The following ZCCHC2 variants were observed in gnomAD, a reference collection of about 807,000 sequenced individuals.
ZCCHC2 encodes zinc finger CCHC-type containing 2, also known as zinc finger CCHC domain-containing protein 2.
A neutral mutation model predicts 103.6 loss-of-function variants in ZCCHC2; 39 were observed. That is an observed-to-expected ratio of 0.38 (90% CI 0.29 to 0.49). The LOEUF is 0.49. Among genes scored for constraint, ZCCHC2 ranks in the 20% least tolerant of loss-of-function variants. The pLI is 0.96. For missense variants in ZCCHC2, 1,483 were observed against 1,491.0 expected (o/e 0.99, Z 0.09); for synonymous variants, 687 against 608.9 (o/e 1.13, Z -1.89).
rs1418491412 is a variant in ZCCHC2 at position 62,524,178 on chromosome 18, G to T, written c.754G>T (p.Gly252Cys). The T allele has an allele frequency of 6.5e-7, 1 of 1,547,752 alleles. No individual in the cohort carries two copies. Among genetic ancestry groups the T allele is most frequent in the Non-Finnish European group, 8.7e-7 (1 of 1,146,154 alleles). ...IVEPRVGGGL[G>C]SRAQEELLLL... ...GGAGCCCCGGGTCGGCGGCGGGCTT[G>T]GCTCCAGGGCCCAGGAGGAACTGCT... Residue 252 changes from glycine to cysteine, a missense_variant, in exon 1 of 14, where the codon GGC (glycine) becomes TGC (cysteine). Physicochemically the swap from Gly to Cys is radical, Grantham distance 159. Coordinates refer to ENST00000269499, the MANE Select transcript of ZCCHC2 (RefSeq NM_017742.6).
intron 13 of ZCCHC2, 130 bp from the exon 14 acceptor site, chr18:62,576,382 C>T: frequency 3.0e-6 from 2 of 669,518 alleles, no homozygotes; most frequent in South Asian, 1.8e-5. Flanking sequence ...AGCGGATTGG[C>T]CATTTGGAGT....
Position 62,550,458 on chromosome 18 carries a change from A to G in ZCCHC2, c.1311A>G (p.Leu437=), listed in dbSNP as rs768778144. The change falls in exon 5 of 14, where the codon CTA becomes CTG. Residue 437 remains leucine (L), a splice_region_variant and synonymous_variant. Transcript: ENST00000269499. ...GACATCCTGACCTAGAGCCCATCCT[A>G]AGGTAATGATTTACCTGACGCCTAT... ...ERRHPDLEPI[L]RQLFSSSSQA... 1.4e-5 allele frequency: 22 copies of G among 1,611,442 alleles called. No homozygotes were observed. In the East Asian group the frequency reaches 4.0e-4, roughly 29 times the overall value.
chr18:62,556,765 G>C (rs1344716373), intron 6 of ZCCHC2, among the ~76,000 whole-genome samples: 2 of 151,850 alleles, frequency 1.3e-5, no homozygotes, highest in East Asian at 3.8e-4. Context: ...CTTCCTTTAT[G>C]TCCCTTCGTC....
At chr18:62,543,250 G>T (rs1021414275) in intron 3 of ZCCHC2, among the ~76,000 whole-genome samples, 1 of 152,010 alleles carries the variant, frequency 6.6e-6, no homozygotes, top group Non-Finnish European at 1.5e-5. Context: ...CCAAATTTTG[G>T]CTGTCCCTCT....
intron 3 of ZCCHC2, among the ~76,000 whole-genome samples, chr18:62,543,777 ATTCAC>A (rs1293281074): frequency 1.3e-5 from 2 of 152,226 alleles, no homozygotes; most frequent in Admixed American, 1.3e-4. Context: ...ATTCTTATAT[ATTCAC>A]TTGGCTTTGA....
At chr18:62,568,453 C>CA (rs922799864) in intron 11 of ZCCHC2, among the ~76,000 whole-genome samples, 1 of 151,686 alleles carries the variant, frequency 6.6e-6, no homozygotes, top group African/African-American at 2.4e-5. Flanking sequence ...TCTGAATTAT[C>CA]AAAAAAAAGT....
Position 62,575,540 on chromosome 18 carries a change from C to T in ZCCHC2, c.3459C>T (p.Ala1153=). Residue 1153 remains alanine, a synonymous_variant, in exon 13 of 14, where the codon GCC becomes GCT. Transcript: ENST00000269499. ...AQDCKQSSME[A]NQQGTYRLRY... Reference sequence around the variant, plus strand: ...ACTGTAAGCAGTCGTCCATGGAGGCCAATCAACAAGGTAATCACAATAACT... The same window carrying T: ...ACTGTAAGCAGTCGTCCATGGAGGCTAATCAACAAGGTAATCACAATAACT... 6.2e-7 allele frequency: 1 copy of T among 1,613,014 alleles called. No homozygotes were observed. Among genetic ancestry groups the T allele is most frequent in the Non-Finnish European group, 8.5e-7 (1 of 1,179,186 alleles).
At position 62,542,582 on chromosome 18, in the gene ZCCHC2, AT is replaced by A; in HGVS notation, c.1128+12del. 6.4e-7 allele frequency: 1 copy of A among 1,556,434 alleles called. No individual in the cohort carries two copies. The highest frequency in any genetic ancestry group is 8.7e-7 in the Non-Finnish European group (1 of 1,148,860). On this transcript the variant is annotated intron_variant, in intron 3 of 13. Transcript: ENST00000269499. The stretch of plus-strand genomic sequence containing the variant: ...TGGGAGTACACTTTCAAAGTAAGCC[AT>A]TTTCCCCACAAAAGATACCTCACGT...
Position 62,574,174 on chromosome 18 carries a change from A to G in ZCCHC2, c.2093A>G (p.Asn698Ser). The G allele has an allele frequency of 1.2e-6, 2 of 1,614,070 alleles. No homozygotes were observed. Among genetic ancestry groups the G allele is most frequent in the Non-Finnish European group, 8.5e-7 (1 of 1,179,904 alleles). The change falls in exon 13 of 14, where the codon AAT becomes AGT. Residue 698 changes from asparagine to serine, a missense_variant. Coordinates refer to ENST00000269499, the MANE Select transcript of ZCCHC2 (RefSeq NM_017742.6). ...CCTGTTCAAATTGCTTCACTAGGAA[A>G]TGAGAATGGAAACCTTTTAGAAGAT... ...KPPVQIASLGNENGNLLEDPL... is the reference protein window; with the variant it reads ...KPPVQIASLGSENGNLLEDPL...
In ZCCHC2 at chr18:62,563,988, G is replaced by A. The variant is rs376085249; in HGVS notation, c.1687-583G>A. On this transcript the variant is annotated intron_variant, in intron 9 of 13. Transcript: ENST00000269499. ...GGAGGTCCCTGTGTATATGTTACAA[G>A]TATGGAATGAAACTTCTCTCTAGAA... Among the ~76,000 whole-genome samples the A allele has an allele frequency of 6.6e-5, 10 of 152,300 alleles. No homozygotes were observed. In the South Asian group the frequency reaches 1.0e-3, roughly 16 times the overall value.
At chr18:62,554,494 A>G (rs1915798452) in intron 5 of ZCCHC2, among the ~76,000 whole-genome samples, 1 of 152,202 alleles carries the variant, frequency 6.6e-6, no homozygotes, top group Admixed American at 6.5e-5. Flanking sequence ...TAATATCGGT[A>G]TAATTGCCAT....
intron 2 of ZCCHC2, among the ~76,000 whole-genome samples, chr18:62,541,690 AGT>A (rs1032053222): frequency 6.6e-6 from 1 of 152,180 alleles, no homozygotes. Context: ...CCTGAACAGC[AGT>A]GTCTTTAAGT....
chr18:62,564,671 T>A, intron 10 of ZCCHC2, 36 bp downstream of exon 10: 1 of 1,418,384 alleles, frequency 7.1e-7, no homozygotes, highest in African/African-American at 1.4e-5. Flanking sequence ...CATATAGCCT[T>A]TGATAATAGG....
At position 62,542,625 on chromosome 18, in the gene ZCCHC2, T is replaced by C. The variant is rs1261672759; in HGVS notation, c.1128+51T>C. 2.0e-6 allele frequency: 3 copies of C among 1,479,990 alleles called. No homozygotes were observed. The African/African-American group carries it at 4.2e-5, about 21-fold the overall frequency. 91.7% of individuals were successfully genotyped at this position (1,479,990 alleles called of 1,614,324 possible). ...ACCTCACGTGCTGTGCTCAATGATCTTTGGGAAAACTTGTGGCAGGTTTGC... is the reference window on the plus strand; with the variant it reads ...ACCTCACGTGCTGTGCTCAATGATCCTTGGGAAAACTTGTGGCAGGTTTGC... On this transcript the variant is annotated intron_variant, in intron 3 of 13. Coordinates refer to ENST00000269499, the MANE Select transcript of ZCCHC2 (RefSeq NM_017742.6).
chr18:62,531,888 G>A (rs1237220348), intron 1 of ZCCHC2, among the ~76,000 whole-genome samples: 3 of 152,194 alleles, frequency 2.0e-5, no homozygotes, highest in South Asian at 2.1e-4. Context: ...GAAGGCTGAG[G>A]TGGGAGGATC....
At chr18:62,539,282 CT>C (rs1915069426) in intron 1 of ZCCHC2, among the ~76,000 whole-genome samples, 2 of 152,256 alleles carry the variant, frequency 1.3e-5, no homozygotes, top group Admixed American at 1.3e-4. Flanking sequence ...AATAAAGCAT[CT>C]TTTTAGACTG....
Position 62,524,294 on chromosome 18 carries a change from G to A in ZCCHC2, c.870G>A (p.Ala290=). Residue 290 remains alanine (A), a synonymous_variant, in exon 1 of 14, where the codon GCG becomes GCA. Transcript: ENST00000269499. ...AACACTTGGAGAGGCTCCGCGCCGC[G>A]CTCCGCGGGGGCCCCGAGGACGCGG... is the stretch of plus-strand genomic sequence containing the variant. ...LREHLERLRA[A]LRGGPEDAEV... 5 of 1,548,652 alleles carry A rather than the reference G, an allele frequency of 3.2e-6. No homozygotes were observed. The highest frequency in any genetic ancestry group is 4.4e-6 in the Non-Finnish European group (5 of 1,146,296).
downstream of ZCCHC2, chr18:62,581,992 C>A: frequency 6.4e-6 from 1 of 155,366 alleles, no homozygotes; most frequent in Non-Finnish European, 1.4e-5. Context: ...TGGGCAGGAA[C>A]AAAAACAGCA....
chr18:62,575,203 C>G lies in ZCCHC2; in HGVS notation c.3122C>G (p.Pro1041Arg). 1 of 1,614,004 alleles carries G rather than the reference C, an allele frequency of 6.2e-7. No individual in the cohort carries two copies. Among genetic ancestry groups the G allele is most frequent in the Non-Finnish European group, 8.5e-7 (1 of 1,179,894 alleles). Reference sequence around the variant, plus strand: ...TATTATCCTAATCCAATGCCTGGACCAATGTACCGAGTCCCTTCATTCTTT... The same window carrying G: ...TATTATCCTAATCCAATGCCTGGACGAATGTACCGAGTCCCTTCATTCTTT... Reference protein sequence around the residue: ...SYYYPNPMPGPMYRVPSFFTL... With the variant: ...SYYYPNPMPGRMYRVPSFFTL... The change falls in exon 13 of 14, where the codon CCA becomes CGA. Residue 1041 changes from proline (P) to arginine (R), a missense_variant. By Grantham distance (103) the Pro-to-Arg change is moderately radical. This residue lies in a region of ZCCHC2 where 884 missense variants were observed against 907.5 expected (regional missense o/e 0.97). Coordinates refer to ENST00000269499, the MANE Select transcript of ZCCHC2 (RefSeq NM_017742.6).
Sources: gnomAD v4.1 joint callset for allele counts (sites outside exome capture counted in the v4.1 genomes callset) on GRCh38, gnomAD v4.1.1 for gene constraint, gnomAD v4.1.1 regional missense constraint, MANE v1.5 for transcripts, NCBI Gene and HGNC (gene_info 2026-07-23, HGNC 2026-07-21) for gene names.